The following TRIM14 variants were observed in gnomAD, a reference collection of about 807,000 sequenced individuals.
TRIM14 encodes the protein tripartite motif containing 14.
A neutral mutation model predicts 44.5 loss-of-function variants in TRIM14; 28 were observed. The observed-to-expected ratio is 0.63, with a 90% CI of 0.47 to 0.86. The LOEUF (loss-of-function observed/expected upper bound fraction) is 0.86, where lower values mean the gene tolerates loss of function less well. TRIM14 is among the 40% of genes least tolerant of loss of function. The pLI is 0.00. For missense variants in TRIM14, 607 were observed against 611.1 expected (o/e 0.99, Z 0.07); for synonymous variants, 299 against 269.2 (o/e 1.11, Z -1.08).
chr9:98,088,003 C>G lies in TRIM14; in HGVS notation c.796G>C (p.Ala266Pro). The G allele has an allele frequency of 6.5e-7, 1 of 1,531,878 alleles. No homozygotes were observed. The highest frequency in any genetic ancestry group is 8.7e-7 in the Non-Finnish European group (1 of 1,152,928). The allele number at this position is 1,531,878 out of a possible 1,614,324, so 94.9% of individuals were successfully genotyped here. Residue 266 changes from alanine to proline, a missense_variant and splice_region_variant, in exon 6 of 6, where the codon GCG becomes CCG. Ala to Pro is a conservative substitution (Grantham distance 27). This residue lies in a region of TRIM14 where 356 missense variants were observed against 323.0 expected (regional missense o/e 1.10). Coordinates refer to ENST00000341469, the MANE Select transcript of TRIM14 (RefSeq NM_014788.4). ...SPERSLLLKY[A>P]RTPTLDPDTM... is the part of the protein sequence containing the mutation. ...TCAGGATCCAGCGTGGGCGTGCGCG[C>G]GTCTGCAGGGGGCGAGACAAGGGAC...
chr9:98,087,336 G>C lies in TRIM14; in HGVS notation c.*134C>G. 7.4e-7 allele frequency: 1 copy of C among 1,347,876 alleles called. No individual in the cohort carries two copies. Among genetic ancestry groups the C allele is most frequent in the South Asian group, 1.2e-5 (1 of 84,932 alleles). 83.5% of individuals were successfully genotyped at this position (1,347,876 alleles called of 1,614,324 possible). On this transcript the variant is annotated 3_prime_UTR_variant, in exon 6 of 6. Transcript: ENST00000341469. Reference sequence around the variant, plus strand: ...CCTTCAAAGCACTGTAGGCGTGATTGGTCGGGGAAAGCTGGGGCAGGGAGA... The same window carrying C: ...CCTTCAAAGCACTGTAGGCGTGATTCGTCGGGGAAAGCTGGGGCAGGGAGA...
the TRIM14 span, among the ~76,000 whole-genome samples, chr9:98,052,783 C>T: frequency 2.6e-5 from 4 of 152,306 alleles, no homozygotes; most frequent in Admixed American, 1.3e-4. Flanking sequence ...TGGGAATACA[C>T]GCGTGAGCCA....
the TRIM14 span, among the ~76,000 whole-genome samples, chr9:98,037,000 T>C: frequency 2.0e-5 from 3 of 152,022 alleles, no homozygotes; most frequent in Non-Finnish European, 2.9e-5. Flanking sequence ...GGGAAGGTAC[T>C]CCAAATGGTT....
the TRIM14 span, among the ~76,000 whole-genome samples, chr9:98,040,664 CT>C: frequency 1.5e-4 from 22 of 146,460 alleles, no homozygotes; most frequent in East Asian, 2.0e-4. Flanking sequence ...ATTTTCTTTT[CT>C]TTTTTTTTTT....
At chr9:98,047,445 AG>A in the TRIM14 span, among the ~76,000 whole-genome samples, 3 of 152,122 alleles carry the variant, frequency 2.0e-5, no homozygotes, top group Admixed American at 2.0e-4. Context: ...AAGATATTCA[AG>A]CTCTAACAGC....
chr9:98,045,265 T>A, the TRIM14 span, among the ~76,000 whole-genome samples: 11 of 152,216 alleles, frequency 7.2e-5, no homozygotes, highest in African/African-American at 9.7e-5. Context: ...CCATTTCACA[T>A]GCCAAGGTCA....
At chr9:98,043,817 GAA>G in the TRIM14 span, among the ~76,000 whole-genome samples, 21 of 151,724 alleles carry the variant, frequency 1.4e-4, no homozygotes, top group Admixed American at 6.6e-5. Context: ...AAAATAGAGA[GAA>G]AGAGAACTTA....
At chr9:98,050,973 C>T in the TRIM14 span, among the ~76,000 whole-genome samples, 1 of 152,106 alleles carries the variant, frequency 6.6e-6, no homozygotes, top group South Asian at 2.1e-4. Flanking sequence ...AGGGTTTCAC[C>T]ATGTTGGCCA....
chr9:98,046,446 G>GTT, the TRIM14 span, among the ~76,000 whole-genome samples: 2 of 148,128 alleles, frequency 1.4e-5, no homozygotes, highest in Admixed American at 6.8e-5. Context: ...TTTGTTTTTT[G>GTT]TTTTTTTTTT....
chr9:98,115,680 G>A (rs2118704038), intron 1 of TRIM14, among the ~76,000 whole-genome samples: 1 of 152,248 alleles, frequency 6.6e-6, no homozygotes, highest in Admixed American at 6.5e-5. Context: ...CACCGCACCT[G>A]GCTATTTGTG....
chr9:98,087,877 G>C lies in TRIM14; in HGVS notation c.922C>G (p.Leu308Val). The C allele has an allele frequency of 3.2e-6, 5 of 1,568,328 alleles. No individual in the cohort carries two copies. Among genetic ancestry groups the C allele is most frequent in the Non-Finnish European group, 4.3e-6 (5 of 1,167,398 alleles). ...GPVPVLRFDALWQVLARDCFA... is the reference protein window; with the variant it reads ...GPVPVLRFDAVWQVLARDCFA... ...CAGTCACGAGCCAGCACTTGCCAGA[G>C]CGCGTCGAACCGCAGCACGGGCACG... The change falls in exon 6 of 6, where the codon CTC (leucine) becomes GTC (valine). Residue 308 changes from leucine to valine, a missense_variant. Transcript: ENST00000341469.
At chr9:98,112,080 TGAG>T (rs1826875871) in intron 1 of TRIM14, among the ~76,000 whole-genome samples, 1 of 152,136 alleles carries the variant, frequency 6.6e-6, no homozygotes, top group African/African-American at 2.4e-5. Flanking sequence ...AAAAAAAAAT[TGAG>T]GAGCCATCTT....
At chr9:98,039,176 ACT>A in the TRIM14 span, among the ~76,000 whole-genome samples, 1 of 151,912 alleles carries the variant, frequency 6.6e-6, no homozygotes, top group Non-Finnish European at 1.5e-5. Flanking sequence ...TTAGAGACAG[ACT>A]CTCACTCCAT....
the TRIM14 span, among the ~76,000 whole-genome samples, chr9:98,057,445 A>G: frequency 3.9e-5 from 6 of 152,178 alleles, no homozygotes; most frequent in African/African-American, 1.4e-4. Context: ...GAAGTGGTTA[A>G]AAGCCGGGCC....
chr9:98,101,155 A>G (rs1826374220), intron 2 of TRIM14, among the ~76,000 whole-genome samples: 1 of 151,992 alleles, frequency 6.6e-6, no homozygotes, highest in South Asian at 2.1e-4. Context: ...TTGTATTTTT[A>G]GTAGAGACGG....
chr9:98,101,951 T>G (rs778133095), intron 2 of TRIM14, among the ~76,000 whole-genome samples: 1 of 140,790 alleles, frequency 7.1e-6, no homozygotes, highest in African/African-American at 2.7e-5. Flanking sequence ...GAGCTTGCAG[T>G]GAGCTGAGAT....
At chr9:98,104,341 CAAGTT>C (rs1564184736) in intron 2 of TRIM14, among the ~76,000 whole-genome samples, 1 of 152,166 alleles carries the variant, frequency 6.6e-6, no homozygotes, top group Non-Finnish European at 1.5e-5. Flanking sequence ...TCCTCCCAAC[CAAGTT>C]ATGCTCCAAG....
chr9:98,076,333 C>T (rs1312534305), intron 6 of TRIM14: 1 of 152,272 alleles, frequency 6.6e-6, no homozygotes, highest in Admixed American at 6.6e-5. Context: ...GCCTTGGGCC[C>T]CTGGGGCAGG....
chr9:98,076,979 C>G, intron 6 of TRIM14: 1 of 1,611,036 alleles, frequency 6.2e-7, no homozygotes. Context: ...TCTGGAGACA[C>G]TAATAATTTT....
Sources: allele counts gnomAD v4.1 joint callset (sites outside exome capture counted in the v4.1 genomes callset), GRCh38; gene constraint gnomAD v4.1.1; regional missense constraint gnomAD v4.1.1; transcripts MANE v1.5; gene names NCBI Gene and HGNC (gene_info 2026-07-23, HGNC 2026-07-21).